The following PSME4 variants were observed in gnomAD, a reference collection of about 807,000 sequenced individuals.
PSME4 encodes the protein proteasome activator complex subunit 4.
Under a neutral mutation model 253.9 loss-of-function variants are expected in PSME4, and 89 were observed. That is an observed-to-expected ratio of 0.35 (90% CI 0.30 to 0.42). The LOEUF (loss-of-function observed/expected upper bound fraction) is 0.42. Among genes scored for constraint, PSME4 ranks in the 10% least tolerant of loss-of-function variants. The pLI is 1.00. For synonymous variants in PSME4, 851 were observed against 759.2 expected (o/e 1.12, Z -1.99); for missense variants, 2,014 against 2,195.2 (o/e 0.92, Z 1.65).
chr2:53,966,516 T>G (rs1269916035), intron 1 of PSME4, among the ~76,000 whole-genome samples: 1 of 150,920 alleles, frequency 6.6e-6, no homozygotes, highest in East Asian at 2.0e-4. Context: ...ACAAAAAAAT[T>G]AGCCAGGCGT....
chr2:53,958,318 T>C (rs1670327676), intron 1 of PSME4, among the ~76,000 whole-genome samples: 1 of 151,588 alleles, frequency 6.6e-6, no homozygotes, highest in Admixed American at 6.6e-5. Flanking sequence ...ATAGCACCGC[T>C]ACACTCCAGG....
intron 9 of PSME4, 46 bp downstream of exon 9, chr2:53,932,622 A>G (rs1343336500): frequency 6.8e-7 from 1 of 1,465,138 alleles, no homozygotes; most frequent in Non-Finnish European, 9.6e-7. Flanking sequence ...GGATGACCAT[A>G]TCTTTAAAAA....
intron 11 of PSME4, among the ~76,000 whole-genome samples, chr2:53,927,713 G>A (rs1161774869): frequency 1.3e-5 from 2 of 152,146 alleles, no homozygotes; most frequent in African/African-American, 2.4e-5. Flanking sequence ...TTGGGAGGCT[G>A]AGGCGGGTGG....
At chr2:53,893,526 CAA>C (rs1351237971) in intron 35 of PSME4, 146 bp downstream of exon 35, 1 of 1,431,844 alleles carries the variant, frequency 7.0e-7, no homozygotes, top group Non-Finnish European at 9.3e-7. Context: ...ATAACGACAA[CAA>C]AAGTCTGTAC....
intron 30 of PSME4, 90 bp downstream of exon 30, chr2:53,898,211 T>C: frequency 7.7e-7 from 1 of 1,304,828 alleles, no homozygotes; most frequent in Non-Finnish European, 1.1e-6. Flanking sequence ...TAACTTTTTG[T>C]GACATAGTCA....
chr2:53,905,522 G>A (rs1158723305), intron 26 of PSME4, among the ~76,000 whole-genome samples: 1 of 152,072 alleles, frequency 6.6e-6, no homozygotes, highest in African/African-American at 2.4e-5. Context: ...GCAATACAAC[G>A]AGACCTTATC....
At chr2:53,910,211 T>C in intron 20 of PSME4, 81 bp from the exon 21 acceptor site, 1 of 1,125,656 alleles carries the variant, frequency 8.9e-7, no homozygotes, top group Non-Finnish European at 1.3e-6. Context: ...TGCTGGACTG[T>C]TTAAACCAAA....
At chr2:53,871,555 T>A (rs1256196184) in intron 43 of PSME4, among the ~76,000 whole-genome samples, 1 of 152,000 alleles carries the variant, frequency 6.6e-6, no homozygotes, top group African/African-American at 2.4e-5. Flanking sequence ...CGCCCGGCTA[T>A]CTGCATACAT....
At chr2:53,915,873 C>A (rs557181472) in intron 20 of PSME4, among the ~76,000 whole-genome samples, 2 of 152,054 alleles carry the variant, frequency 1.3e-5, no homozygotes, top group African/African-American at 2.4e-5. Flanking sequence ...GAGTTCGAGA[C>A]CAGCCTGGCC....
At chr2:53,931,805 C>T in intron 10 of PSME4, 30 bp downstream of exon 10, 2 of 1,607,826 alleles carry the variant, frequency 1.2e-6, no homozygotes, top group Non-Finnish European at 1.7e-6. Context: ...AAAAACCTAG[C>T]TGTGGCTGAG....
intron 26 of PSME4, among the ~76,000 whole-genome samples, chr2:53,904,671 T>A (rs920173689): frequency 2.0e-5 from 3 of 152,200 alleles, no homozygotes; most frequent in Non-Finnish European, 4.4e-5. Flanking sequence ...ACTTATGAAC[T>A]AGTTAAATAG....
rs1240111614 is a variant in PSME4, at chr2:53,935,989, G to A, written c.834+98C>T. 4 of 1,481,844 alleles carry A rather than the reference G, an allele frequency of 2.7e-6. No homozygotes were observed. In the East Asian group the frequency reaches 7.5e-5, roughly 28 times the overall value. The allele number at this position is 1,481,844 out of a possible 1,614,324, so 91.8% of individuals were successfully genotyped here. Reference sequence around the variant, plus strand: ...GCTCACTGCAACCTCAGCCTCCTGGGTTCAAGAGATTCTCCTGCCTCAGCC... The same window carrying A: ...GCTCACTGCAACCTCAGCCTCCTGGATTCAAGAGATTCTCCTGCCTCAGCC... On this transcript the variant is annotated intron_variant, in intron 7 of 46. Coordinates refer to ENST00000404125, the MANE Select transcript of PSME4 (RefSeq NM_014614.3).
chr2:53,890,776 C>T (rs1292969452), intron 36 of PSME4, among the ~76,000 whole-genome samples: 5 of 151,744 alleles, frequency 3.3e-5, no homozygotes, highest in Non-Finnish European at 7.4e-5. Flanking sequence ...GCCTGTAATC[C>T]GAGAACTTTG....
At position 53,932,387 on chromosome 2, in the gene PSME4, A is replaced by G. The variant is rs549669765; in HGVS notation, c.1050+281T>C. ...GACAACTTAAAAACAACAAAAACAG[A>G]TGACAGGATAAAACTGAAAAGATGG... On this transcript the variant is annotated intron_variant, in intron 9 of 46. Transcript: ENST00000404125. Among the ~76,000 whole-genome samples the G allele has an allele frequency of 5.9e-5, 9 of 152,288 alleles. No homozygotes were observed. The South Asian group carries it at 1.0e-3, about 18-fold the overall frequency.
At chr2:53,915,439 CA>C (rs1380579622) in intron 20 of PSME4, among the ~76,000 whole-genome samples, 63 of 142,176 alleles carry the variant, frequency 4.4e-4, no homozygotes, top group Admixed American at 7.1e-4. Context: ...GACTCTATCT[CA>C]AAAAAAAAAA....
At chr2:53,964,431 T>A (rs1012817125) in intron 1 of PSME4, among the ~76,000 whole-genome samples, 1 of 152,222 alleles carries the variant, frequency 6.6e-6, no homozygotes, top group Non-Finnish European at 1.5e-5. Flanking sequence ...GTTCCTTTTT[T>A]TTCCCCTTAT....
chr2:53,913,291 C>T (rs1161504970), intron 20 of PSME4, among the ~76,000 whole-genome samples: 2 of 152,026 alleles, frequency 1.3e-5, no homozygotes, highest in South Asian at 2.1e-4. Context: ...CTATAGTATT[C>T]GTACCACTAG....
chr2:53,950,322 A>T (rs1003668158), intron 1 of PSME4, among the ~76,000 whole-genome samples: 6 of 151,516 alleles, frequency 4.0e-5, no homozygotes, highest in African/African-American at 1.5e-4. Flanking sequence ...TAAGTATCTT[A>T]TGGTAACTGA....
At chr2:53,869,256 T>C in intron 44 of PSME4, 120 bp downstream of exon 44, 1 of 1,037,336 alleles carries the variant, frequency 9.6e-7, no homozygotes, top group Non-Finnish European at 1.3e-6. Context: ...GGAAAACTTT[T>C]CCCAATACCT....
Sources: gnomAD v4.1 joint callset for allele counts (sites outside exome capture counted in the v4.1 genomes callset) on GRCh38, gnomAD v4.1.1 for gene constraint, MANE v1.5 for transcripts, NCBI Gene and HGNC (gene_info 2026-07-23, HGNC 2026-07-21) for gene names.